Variants in TDP1 observed in about 807,000 individuals in gnomAD.
The protein encoded by TDP1 is tyr-DNA phosphodiesterase 1.
In TDP1, 64 loss-of-function variants were observed where a neutral mutation model predicts 81.5. The observed-to-expected ratio is 0.79, with a 90% confidence interval of 0.64 to 0.97. The LOEUF is 0.97. Among genes scored for constraint, TDP1 ranks in the 50% least tolerant of loss-of-function variants. The probability of loss-of-function intolerance (pLI) is 0.00; values close to 1 mark genes in which losing one functional copy is unlikely to be tolerated. For missense variants in TDP1, 723 were observed against 743.8 expected, an observed-to-expected ratio of 0.97 and a Z score of 0.33; for synonymous variants, 256 against 264.3, an observed-to-expected ratio of 0.97 and a Z score of 0.30.
chr14:90,029,195 T>TTA (rs1886980923), intron 15 of TDP1, among the ~76,000 whole-genome samples: 1 of 89,992 alleles, frequency 1.1e-5, no homozygotes. Flanking sequence ...CCTGCCATTA[T>TTA]TTTTTTTTTT....
intron 14 of TDP1, among the ~76,000 whole-genome samples, chr14:90,013,009 CT>C (rs1181763198): frequency 6.6e-6 from 1 of 152,202 alleles, no homozygotes; most frequent in East Asian, 1.9e-4. Context: ...CCTGTAGCCC[CT>C]TTGTTTTGGC....
chr14:89,967,247 A>G, intron 4 of TDP1, 120 bp from the exon 5 acceptor site: 1 of 1,323,140 alleles, frequency 7.6e-7, no homozygotes, highest in Non-Finnish European at 1.1e-6. Context: ...GTTTATAAAT[A>G]ATACATGTAG....
intron 8 of TDP1, among the ~76,000 whole-genome samples, chr14:89,983,571 T>A (rs1365826045): frequency 6.6e-6 from 1 of 151,890 alleles, no homozygotes; most frequent in Non-Finnish European, 1.5e-5. Flanking sequence ...AAAAGGAGAG[T>A]AGCCACAGAA....
At chr14:90,032,447 G>A (rs1242033816) in intron 15 of TDP1, among the ~76,000 whole-genome samples, 3 of 152,058 alleles carry the variant, frequency 2.0e-5, no homozygotes, top group Non-Finnish European at 4.4e-5. Flanking sequence ...ATGGAAGCAC[G>A]AGGGGGCACA....
chr14:89,976,007 A>C (rs1254547733), intron 7 of TDP1, among the ~76,000 whole-genome samples, 192 bp downstream of exon 7: 1 of 152,226 alleles, frequency 6.6e-6, no homozygotes, highest in Non-Finnish European at 1.5e-5. Context: ...TTTTAATTTT[A>C]TAGATCAGGA....
chr14:90,030,814 G>A (rs1300324611), intron 15 of TDP1, among the ~76,000 whole-genome samples: 1 of 150,792 alleles, frequency 6.6e-6, no homozygotes, highest in African/African-American at 2.5e-5. Flanking sequence ...CACCTAGCCT[G>A]GAGTGCAGTG....
At position 89,990,528 on chromosome 14, in the gene TDP1, C is replaced by T. The variant is rs190128903; in HGVS notation, c.1366+763C>T. 5.9e-4 allele frequency among the ~76,000 whole-genome samples: 81 copies of T among 136,726 alleles called. 1 individual carries two copies. The highest frequency in any genetic ancestry group is 3.0e-3 in the East Asian group (14 of 4,698). The allele number at this position is 136,726 out of a possible 152,430, so 89.7% of individuals were successfully genotyped here. A position where few individuals can be genotyped will look rare whatever the true frequency, so the allele number is the denominator to read the frequency against. ...AAATCTGCCAGGAAAATTTCGCTAG[C>T]GTTTGGAGTGTATTAGCCCTTTTTT... On this transcript the variant is annotated intron_variant, in intron 12 of 16. Coordinates refer to ENST00000335725, the MANE Select transcript of TDP1 (RefSeq NM_018319.4).
At chr14:90,014,253 T>C (rs1471267163) in intron 14 of TDP1, among the ~76,000 whole-genome samples, 2 of 152,240 alleles carry the variant, frequency 1.3e-5, no homozygotes, top group Non-Finnish European at 2.9e-5. Flanking sequence ...TTCCTGTGTA[T>C]ACCTGTATAC....
At chr14:90,019,020 G>C (rs1417951540) in intron 14 of TDP1, 4 of 984,044 alleles carry the variant, frequency 4.1e-6, no homozygotes, top group Non-Finnish European at 4.8e-6. Flanking sequence ...GAAAAGAAAA[G>C]GGGCTTTAGA....
intron 16 of TDP1, among the ~76,000 whole-genome samples, chr14:90,039,735 CTG>C (rs1888177063): frequency 6.6e-6 from 1 of 151,990 alleles, no homozygotes; most frequent in South Asian, 2.1e-4. Flanking sequence ...TCCTTATCCT[CTG>C]TGAGTTGAGG....
intron 8 of TDP1, 155 bp downstream of exon 8, chr14:89,980,787 ATTC>A: frequency 1.5e-6 from 1 of 685,630 alleles, no homozygotes; most frequent in Non-Finnish European, 2.5e-6. Flanking sequence ...AAGTTACTGT[ATTC>A]TTTTACTACC....
intron 3 of TDP1, chr14:89,964,910 T>TC (rs1566846078): frequency 6.9e-6 from 3 of 431,944 alleles, no homozygotes; most frequent in Non-Finnish European, 1.4e-5. Flanking sequence ...CATCTGCACT[T>TC]TAGAAAAGTG....
intron 8 of TDP1, among the ~76,000 whole-genome samples, chr14:89,982,772 G>A (rs770589363): frequency 4.6e-5 from 7 of 152,150 alleles, no homozygotes; most frequent in Non-Finnish European, 7.3e-5. Context: ...CCTGGTGTGG[G>A]ATCCTATTAT....
At chr14:90,038,457 C>T (rs1315916208) in intron 16 of TDP1, among the ~76,000 whole-genome samples, 3 of 152,154 alleles carry the variant, frequency 2.0e-5, no homozygotes, top group African/African-American at 7.2e-5. Context: ...TTGCTAGAGT[C>T]CAGAATCATC....
intron 3 of TDP1, among the ~76,000 whole-genome samples, chr14:89,964,331 T>C (rs1892686293): frequency 6.6e-6 from 1 of 152,268 alleles, no homozygotes; most frequent in South Asian, 2.1e-4. Context: ...GCAGGAGCTC[T>C]AGAATCTGCT....
chr14:89,980,718 T>C, intron 8 of TDP1, 86 bp downstream of exon 8: 1 of 1,137,672 alleles, frequency 8.8e-7, no homozygotes, highest in Non-Finnish European at 1.3e-6. Flanking sequence ...TTTTTTCTAT[T>C]TTTTTTTTAA....
intron 6 of TDP1, 93 bp from the exon 7 acceptor site, chr14:89,975,688 A>G (rs1894226634): frequency 1.6e-6 from 2 of 1,269,830 alleles, no homozygotes. Flanking sequence ...GTTTTAAAAA[A>G]AAAAGTTGAC....
rs775659893 is a variant in TDP1 at position 89,963,281 on chromosome 14, A to T, written c.167A>T (p.His56Leu). 1 of 1,614,230 alleles carries T rather than the reference A, an allele frequency of 6.2e-7. No individual in the cohort carries two copies. Among genetic ancestry groups the T allele is most frequent in the Non-Finnish European group, 8.5e-7 (1 of 1,180,038 alleles). ...YTCSEAQKAA[H>L]KRKISPVKFS... The stretch of plus-strand genomic sequence containing the variant: ...TGTTCCGAGGCCCAGAAAGCTGCAC[A>T]CAAGAGGAAAATATCACCTGTGAAA... The change falls in exon 3 of 17, where the codon CAC becomes CTC. Residue 56 changes from histidine to leucine, a missense_variant. Coordinates refer to ENST00000335725, the MANE Select transcript of TDP1 (RefSeq NM_018319.4).
At chr14:90,036,110 C>A (rs1887788220) in intron 16 of TDP1, among the ~76,000 whole-genome samples, 1 of 152,028 alleles carries the variant, frequency 6.6e-6, no homozygotes, top group African/African-American at 2.4e-5. Flanking sequence ...TTCAGCATTT[C>A]TTTTGAAAGA....
Sources: allele counts gnomAD v4.1 joint callset (sites outside exome capture counted in the v4.1 genomes callset), GRCh38; gene constraint gnomAD v4.1.1; transcripts MANE v1.5; gene names NCBI Gene and HGNC (gene_info 2026-07-23, HGNC 2026-07-21).